GRIN2A: variants seen among roughly 807,000 people sequenced by gnomAD.
GRIN2A encodes the protein glutamate ionotropic receptor NMDA type subunit 2A.
GRIN2A carries 22 observed loss-of-function variants against 113.4 expected under a neutral mutation model. That is an observed-to-expected ratio of 0.19 (90% confidence interval 0.14 to 0.28). The LOEUF (loss-of-function observed/expected upper bound fraction) is 0.28. Among genes scored for constraint, GRIN2A ranks in the 10% least tolerant of loss-of-function variants. GRIN2A has a pLI of 1.00. For synonymous variants in GRIN2A, 827 were observed against 738.4 expected (o/e 1.12, Z -1.94); for missense variants, 1,502 against 1,887.0 (o/e 0.80, Z 3.78).
At chr16:10,036,437 CTTTTTTTTTTTCTTT>C (rs1441771848) in intron 2 of GRIN2A, among the ~76,000 whole-genome samples, 3 of 92,672 alleles carry the variant, frequency 3.2e-5, no homozygotes, top group African/African-American at 8.3e-5. Flanking sequence ...TTAGTACTTA[CTTTTTTTTTTTCTTT>C]TTTTTTTTTT....
intron 2 of GRIN2A, among the ~76,000 whole-genome samples, chr16:10,095,452 T>C (rs2048269782): frequency 6.6e-6 from 1 of 152,170 alleles, no homozygotes; most frequent in African/African-American, 2.4e-5. Context: ...CCCATGCTAA[T>C]ATAAAGTATA....
chr16:10,146,836 C>T (rs1263971556), intron 2 of GRIN2A, among the ~76,000 whole-genome samples: 2 of 151,808 alleles, frequency 1.3e-5, no homozygotes, highest in Non-Finnish European at 2.9e-5. Context: ...AAGCAACATT[C>T]CCAAGCAGAT....
intron 3 of GRIN2A, among the ~76,000 whole-genome samples, chr16:9,893,705 G>A (rs953126010): frequency 1.3e-5 from 2 of 152,136 alleles, no homozygotes; most frequent in Admixed American, 6.5e-5. Context: ...GACCTCAGGT[G>A]ATCCGCCTGC....
chr16:10,110,485 C>T (rs1005362229), intron 2 of GRIN2A, among the ~76,000 whole-genome samples: 1 of 152,060 alleles, frequency 6.6e-6, no homozygotes, highest in African/African-American at 2.4e-5. Context: ...GGCAAGGGGG[C>T]AAAGTGGAAG....
At chr16:9,818,197 G>A (rs1353615978) in intron 10 of GRIN2A, among the ~76,000 whole-genome samples, 1 of 151,990 alleles carries the variant, frequency 6.6e-6, no homozygotes, top group African/African-American at 2.4e-5. Flanking sequence ...GCAGTCTCGT[G>A]GTGGGACGTT....
At chr16:9,982,552 T>G (rs536670238) in intron 2 of GRIN2A, among the ~76,000 whole-genome samples, 2 of 152,356 alleles carry the variant, frequency 1.3e-5, no homozygotes, top group South Asian at 4.1e-4. Context: ...TCTTCCCCCA[T>G]GTATGTTTTC....
In GRIN2A at chr16:9,854,837, T is replaced by G. The variant is rs2141380952; in HGVS notation, c.1123-4876A>C. On this transcript the variant is annotated intron_variant, in intron 4 of 12. Transcript: ENST00000330684. ...TCAATCCATTTCCTCCAGCAGTGCT[T>G]CCAGGAATAAGGTTTCAATGCATCA... Among the ~76,000 whole-genome samples, 9 of 152,202 alleles carry G rather than the reference T, an allele frequency of 5.9e-5. No homozygotes were observed. In the Middle Eastern group the frequency reaches 0.02, roughly 345 times the overall value.
At chr16:9,997,854 T>A (rs777167680) in intron 2 of GRIN2A, among the ~76,000 whole-genome samples, 1 of 152,242 alleles carries the variant, frequency 6.6e-6, no homozygotes, top group Non-Finnish European at 1.5e-5. Flanking sequence ...TGCCACCATG[T>A]AAGACATGCC....
At chr16:9,968,289 T>C (rs373666358) in intron 2 of GRIN2A, among the ~76,000 whole-genome samples, 4 of 91,666 alleles carry the variant, frequency 4.4e-5, no homozygotes, top group African/African-American at 8.9e-5. Flanking sequence ...TGTATGTATG[T>C]ATGTATGTAT....
At chr16:9,835,171 G>A (rs986904359) in intron 7 of GRIN2A, among the ~76,000 whole-genome samples, 3 of 152,172 alleles carry the variant, frequency 2.0e-5, no homozygotes, top group Non-Finnish European at 4.4e-5. Context: ...TCTTGTTGAT[G>A]TTGGTAGCAG....
At chr16:10,043,922 AAT>A (rs1369778281) in intron 2 of GRIN2A, among the ~76,000 whole-genome samples, 1 of 150,570 alleles carries the variant, frequency 6.6e-6, no homozygotes, top group Admixed American at 6.6e-5. Context: ...TACACGTATA[AAT>A]ATGTGTGTAT....
chr16:9,814,673 C>T (rs1054660256), intron 10 of GRIN2A, among the ~76,000 whole-genome samples: 1 of 152,132 alleles, frequency 6.6e-6, no homozygotes, highest in Non-Finnish European at 1.5e-5. Flanking sequence ...AACTAACTAA[C>T]CTCTCAAAGA....
chr16:9,972,338 T>G (rs190357304), intron 2 of GRIN2A, among the ~76,000 whole-genome samples: 7 of 152,290 alleles, frequency 4.6e-5, no homozygotes, highest in Admixed American at 1.3e-4. Flanking sequence ...AATTCAAAAT[T>G]ACTTTACATA....
chr16:9,914,661 C>T (rs141937886), intron 3 of GRIN2A, among the ~76,000 whole-genome samples: 2 of 152,212 alleles, frequency 1.3e-5, no homozygotes, highest in East Asian at 1.9e-4. Flanking sequence ...AAAGTGGGAA[C>T]GTAAGGGGCT....
chr16:9,929,355 C>A (rs558184635), intron 3 of GRIN2A, among the ~76,000 whole-genome samples: 137 of 152,202 alleles, frequency 9.0e-4, no homozygotes, highest in Admixed American at 1.6e-3. Context: ...CCCAACATTT[C>A]TTTCCTCATT....
At chr16:9,997,024 T>C (rs1242225750) in intron 2 of GRIN2A, among the ~76,000 whole-genome samples, 1 of 152,146 alleles carries the variant, frequency 6.6e-6, no homozygotes, top group Non-Finnish European at 1.5e-5. Flanking sequence ...AAGGAAACCA[T>C]GATTTTTTTC....
intron 8 of GRIN2A, among the ~76,000 whole-genome samples, chr16:9,830,914 C>T (rs115127517): frequency 0.014 from 2,179 of 151,988 alleles, 55 homozygotes; most frequent in African/African-American, 0.049. Context: ...ACTTTATGAA[C>T]GATTTAGTTT....
intron 9 of GRIN2A, among the ~76,000 whole-genome samples, chr16:9,828,273 C>T (rs1596470534): frequency 6.6e-6 from 1 of 152,164 alleles, no homozygotes; most frequent in Non-Finnish European, 1.5e-5. Flanking sequence ...TAAAGTGACC[C>T]TTACTCAAGC....
At chr16:10,115,521 C>G (rs796436847) in intron 2 of GRIN2A, among the ~76,000 whole-genome samples, 3 of 152,328 alleles carry the variant, frequency 2.0e-5, no homozygotes, top group East Asian at 1.9e-4. Flanking sequence ...TGCGCCCCCC[C>G]ATAAATCATT....
Sources: gnomAD v4.1 joint callset for allele counts (sites outside exome capture counted in the v4.1 genomes callset) on GRCh38, gnomAD v4.1.1 for gene constraint, MANE v1.5 for transcripts, NCBI Gene and HGNC (gene_info 2026-07-23, HGNC 2026-07-21) for gene names.